Variants in PARD6B observed in about 807,000 individuals in gnomAD.
The protein encoded by PARD6B is par-6 family cell polarity regulator beta.
Under a neutral mutation model 10.5 loss-of-function variants are expected in PARD6B, and 4 were observed. That is an observed-to-expected ratio of 0.38 (90% CI 0.19 to 0.87). PARD6B has a LOEUF of 0.87. PARD6B is among the 40% of genes least tolerant of loss of function. The pLI is 0.41. For missense variants in PARD6B, 396 were observed against 470.6 expected (o/e 0.84, Z 1.47); for synonymous variants, 169 against 170.4 (o/e 0.99, Z 0.07).
At chr20:50,742,190 C>G (rs138693277) in intron 2 of PARD6B, among the ~76,000 whole-genome samples, 1 of 151,898 alleles carries the variant, frequency 6.6e-6, no homozygotes, top group Non-Finnish European at 1.5e-5. Flanking sequence ...ACTACAGATG[C>G]GTGCCACCAC....
intron 1 of PARD6B, among the ~76,000 whole-genome samples, chr20:50,736,471 A>G (rs1192774274): frequency 2.0e-5 from 3 of 152,208 alleles, no homozygotes; most frequent in Non-Finnish European, 4.4e-5. Context: ...TATTTTTAAA[A>G]ACCAACATAG....
rs757803580 is a variant in PARD6B, at chr20:50,752,654, A to G, written c.*2166A>G. On this transcript the variant is annotated 3_prime_UTR_variant, in exon 3 of 3. Coordinates refer to ENST00000371610, the MANE Select transcript of PARD6B (RefSeq NM_032521.3). The stretch of plus-strand genomic sequence containing the variant: ...TAATTAACTTTATGGTAGGGCTAGT[A>G]TGAATACCTTTTTAACAATTGTGTG... 484 of 978,928 alleles carry G rather than the reference A, an allele frequency of 4.9e-4. 1 individual carries two copies. Among genetic ancestry groups the G allele is most frequent in the Non-Finnish European group, 5.5e-4 (454 of 823,718 alleles). The allele number at this position is 978,928 out of a possible 1,614,324, so 60.6% of individuals were successfully genotyped here. A position where few individuals can be genotyped will look rare whatever the true frequency, so the allele number is the denominator to read the frequency against.
At chr20:50,731,894 G>A in intron 1 of PARD6B, 42 bp downstream of exon 1, 1 of 1,373,824 alleles carries the variant, frequency 7.3e-7, no homozygotes, top group Non-Finnish European at 9.4e-7. Flanking sequence ...GGCCTGGGGG[G>A]CCGGGGCCTG....
chr20:50,749,891 G>A lies in PARD6B; in HGVS notation c.522G>A (p.Arg174=). The change falls in exon 3 of 3, where the codon CGG becomes CGA. Residue 174 remains arginine, a synonymous_variant. Coordinates refer to ENST00000371610, the MANE Select transcript of PARD6B (RefSeq NM_032521.3). The part of the protein sequence containing the change: ...GTEKPLGFYI[R]DGSSVRVTPH... The stretch of plus-strand genomic sequence containing the variant: ...AGAAACCCCTAGGATTCTACATCCG[G>A]GATGGCTCCAGTGTCAGGGTAACAC... The A allele has an allele frequency of 1.2e-6, 2 of 1,614,166 alleles. No homozygotes were observed. The highest frequency in any genetic ancestry group is 8.5e-7 in the Non-Finnish European group (1 of 1,180,024).
In PARD6B at chr20:50,749,776, C is replaced by T; in HGVS notation, c.407C>T (p.Pro136Leu). 6.2e-7 allele frequency: 1 copy of T among 1,614,110 alleles called. No homozygotes were observed. Among genetic ancestry groups the T allele is most frequent in the Non-Finnish European group, 8.5e-7 (1 of 1,180,014 alleles). Reference protein sequence around the residue: ...RKKPHIVISMPQDFRPVSSII... With the variant: ...RKKPHIVISMLQDFRPVSSII... ...AAGCCACATATAGTCATTAGTATGC[C>T]CCAAGACTTTAGACCTGTGTCTTCT... Residue 136 changes from proline to leucine, a missense_variant, in exon 3 of 3, where the codon CCC becomes CTC. Coordinates refer to ENST00000371610, the MANE Select transcript of PARD6B (RefSeq NM_032521.3).
chr20:50,749,419 C>CA (rs1482520181), intron 2 of PARD6B, among the ~76,000 whole-genome samples: 1 of 151,740 alleles, frequency 6.6e-6, no homozygotes, highest in East Asian at 1.9e-4. Context: ...TGAGCTCTAT[C>CA]AAATTTAACT....
intron 2 of PARD6B, among the ~76,000 whole-genome samples, chr20:50,743,056 T>C (rs2087539463): frequency 6.6e-6 from 1 of 152,178 alleles, no homozygotes; most frequent in South Asian, 2.1e-4. Context: ...TCTGCTCTCA[T>C]TGTTGAGGTT....
In PARD6B at chr20:50,731,807, C is replaced by T. The variant is rs1446474649; in HGVS notation, c.21C>T (p.His7=). The T allele has an allele frequency of 4.8e-6, 7 of 1,462,894 alleles. No individual in the cohort carries two copies. The highest frequency in any genetic ancestry group is 4.9e-5 in the Admixed American group (2 of 40,580). 90.6% of individuals were successfully genotyped at this position (1,462,894 alleles called of 1,614,324 possible). A position where few individuals can be genotyped will look rare whatever the true frequency, so the allele number is the denominator to read the frequency against. Residue 7 remains histidine, a synonymous_variant, in exon 1 of 3, where the codon CAC becomes CAT. Transcript: ENST00000371610. MNRSHR[H]GAGSGCLGTM... ...TCAGCATGAACCGCAGCCACCGGCA[C>T]GGGGCGGGCAGCGGCTGCCTGGGCA... is the stretch of plus-strand genomic sequence containing the variant.
intron 1 of PARD6B, among the ~76,000 whole-genome samples, chr20:50,735,806 A>G (rs373232849): frequency 1.3e-5 from 2 of 152,264 alleles, no homozygotes; most frequent in Non-Finnish European, 2.9e-5. Flanking sequence ...TAACAAAAAC[A>G]TTGAAGCCCT....
Position 50,750,624 on chromosome 20 carries a change from T to C in PARD6B, c.*136T>C. 7.0e-7 allele frequency: 1 copy of C among 1,422,662 alleles called. No individual in the cohort carries two copies. Among genetic ancestry groups the C allele is most frequent in the Admixed American group, 3.0e-5 (1 of 33,752 alleles). 88.1% of individuals were successfully genotyped at this position (1,422,662 alleles called of 1,614,324 possible). A position where few individuals can be genotyped will look rare whatever the true frequency, so the allele number is the denominator to read the frequency against. On this transcript the variant is annotated 3_prime_UTR_variant, in exon 3 of 3. Transcript: ENST00000371610. The stretch of plus-strand genomic sequence containing the variant: ...GTAACGTTGCAAGCTTACAATATTA[T>C]TAAAGTAGTAGTTTGATAATTGTTA...
chr20:50,744,467 G>C (rs1039855051), intron 2 of PARD6B, among the ~76,000 whole-genome samples: 1 of 152,068 alleles, frequency 6.6e-6, no homozygotes, highest in African/African-American at 2.4e-5. Flanking sequence ...GCCTGCAGCC[G>C]GAGTGAGCTT....
chr20:50,752,226 T>C lies in PARD6B; in HGVS notation c.*1738T>C. 1 of 985,812 alleles carries C rather than the reference T, an allele frequency of 1.0e-6. No individual in the cohort carries two copies. The highest frequency in any genetic ancestry group is 4.7e-5 in the South Asian group (1 of 21,284). The allele number at this position is 985,812 out of a possible 1,614,324, so 61.1% of individuals were successfully genotyped here. A position where few individuals can be genotyped will look rare whatever the true frequency, so the allele number is the denominator to read the frequency against. ...CTTTTATTGTTAGTGTGTGTATTTT[T>C]GTTGGTGTGCTTTTAATGCATCCAA... On this transcript the variant is annotated 3_prime_UTR_variant, in exon 3 of 3. Transcript: ENST00000371610.
intron 2 of PARD6B, among the ~76,000 whole-genome samples, chr20:50,746,068 T>G (rs2087566196): frequency 6.6e-6 from 1 of 151,064 alleles, no homozygotes; most frequent in African/African-American, 2.4e-5. Context: ...ATGTAGAAGT[T>G]TTTTTTTTTT....
chr20:50,744,597 T>C (rs972086029), intron 2 of PARD6B, among the ~76,000 whole-genome samples: 1 of 152,230 alleles, frequency 6.6e-6, no homozygotes, highest in Non-Finnish European at 1.5e-5. Flanking sequence ...CCTGTTTGTC[T>C]GTTTGGCCCC....
Position 50,750,954 on chromosome 20 carries a change from A to ATTT in PARD6B, c.*496_*498dup, listed in dbSNP as rs565068464. 1.3e-3 allele frequency: 490 copies of ATTT among 387,650 alleles called. 57 individuals are homozygous for ATTT. Among genetic ancestry groups the ATTT allele is most frequent in the African/African-American group, 0.011 (293 of 27,442 alleles). The allele number at this position is 387,650 out of a possible 1,614,324, so 24.0% of individuals were successfully genotyped here. ...CTCATGTTCCCAATATTTTATTTTGATTTTTTTTTTTTTTTTTTTTTTTTT... is the reference window on the plus strand; with the variant it reads ...CTCATGTTCCCAATATTTTATTTTGATTTTTTTTTTTTTTTTTTTTTTTTTTTT... On this transcript the variant is annotated 3_prime_UTR_variant, in exon 3 of 3. Coordinates refer to ENST00000371610, the MANE Select transcript of PARD6B (RefSeq NM_032521.3).
rs143945836 is a variant in PARD6B at position 50,741,121 on chromosome 20, T to C, written c.289+3042T>C. Reference sequence around the variant, plus strand: ...GACTACAGGTGCATGCCACCATGCCTGGCTAATTTTTGTATTTTTAGTAGA... The same window carrying C: ...GACTACAGGTGCATGCCACCATGCCCGGCTAATTTTTGTATTTTTAGTAGA... On this transcript the variant is annotated intron_variant, in intron 2 of 2. Coordinates refer to ENST00000371610, the MANE Select transcript of PARD6B (RefSeq NM_032521.3). Among the ~76,000 whole-genome samples the C allele has an allele frequency of 8.0e-3, 1,219 of 152,096 alleles. 13 individuals are homozygous for C. Among genetic ancestry groups the C allele is most frequent in the African/African-American group, 0.026 (1,095 of 41,490 alleles).
chr20:50,752,932 C>CT lies in PARD6B; in HGVS notation c.*2447dup. 1.0e-6 allele frequency: 1 copy of CT among 983,254 alleles called. No individual in the cohort carries two copies. Among genetic ancestry groups the CT allele is most frequent in the South Asian group, 4.7e-5 (1 of 21,256 alleles). The allele number at this position is 983,254 out of a possible 1,614,324, so 60.9% of individuals were successfully genotyped here. A position where few individuals can be genotyped will look rare whatever the true frequency, so the allele number is the denominator to read the frequency against. On this transcript the variant is annotated 3_prime_UTR_variant, in exon 3 of 3. Coordinates refer to ENST00000371610, the MANE Select transcript of PARD6B (RefSeq NM_032521.3). ...TATGCTATTTTTAATGGCATTCCGGCTTTAACATTCTGTGAGTCTTACAAA... is the reference window on the plus strand; with the variant it reads ...TATGCTATTTTTAATGGCATTCCGGCTTTTAACATTCTGTGAGTCTTACAAA...
rs559224428 is a variant in PARD6B, at chr20:50,751,479, C to T, written c.*991C>T. ...CACACCATTCTCCTGCCTCAGCCTC[C>T]CAAGTAGCTGGGACTACAGGCGCCT... On this transcript the variant is annotated 3_prime_UTR_variant, in exon 3 of 3. Coordinates refer to ENST00000371610, the MANE Select transcript of PARD6B (RefSeq NM_032521.3). 4.7e-4 allele frequency: 354 copies of T among 755,786 alleles called. 1 individual carries two copies. The highest frequency in any genetic ancestry group is 1.7e-3 in the South Asian group (29 of 16,626). 46.8% of individuals were successfully genotyped at this position (755,786 alleles called of 1,614,324 possible).
At chr20:50,747,497 T>C (rs892141868) in intron 2 of PARD6B, among the ~76,000 whole-genome samples, 7 of 143,556 alleles carry the variant, frequency 4.9e-5, no homozygotes, top group Non-Finnish European at 7.6e-5. Context: ...TTCTTTTTTT[T>C]TTTTTTTTTT....
Sources: allele counts gnomAD v4.1 joint callset (sites outside exome capture counted in the v4.1 genomes callset), GRCh38; gene constraint gnomAD v4.1.1; transcripts MANE v1.5; gene names NCBI Gene and HGNC (gene_info 2026-07-23, HGNC 2026-07-21).